The following PDIA6 variants were observed in gnomAD, a reference collection of about 807,000 sequenced individuals.
PDIA6 encodes protein disulfide-isomerase A6.
PDIA6 carries 29 observed loss-of-function variants against 58.4 expected under a neutral mutation model. The ratio of observed to expected loss-of-function variants is 0.50; its 90% CI spans 0.37 to 0.68. The LOEUF (loss-of-function observed/expected upper bound fraction) is 0.68. Ranked by LOEUF, PDIA6 falls within the 30% of genes least tolerant of loss-of-function variation. The pLI is 0.00. For missense variants in PDIA6, 480 were observed against 551.0 expected, an observed-to-expected ratio of 0.87 and a Z score of 1.29; for synonymous variants, 192 against 202.6, an observed-to-expected ratio of 0.95 and a Z score of 0.44.
intron 1 of PDIA6, chr2:10,823,012 C>G (rs1186167935): frequency 6.6e-6 from 1 of 152,190 alleles, no homozygotes; most frequent in African/African-American, 2.4e-5. Flanking sequence ...CTTAGAGTAC[C>G]CCAGTGTCTT....
At chr2:10,792,751 G>A (rs1417596441) in intron 5 of PDIA6, among the ~76,000 whole-genome samples, 2 of 151,998 alleles carry the variant, frequency 1.3e-5, no homozygotes, top group Admixed American at 6.6e-5. Context: ...ATCTCATCAC[G>A]GTTTGCCAAA....
At chr2:10,827,349 C>A (rs1667580081) in intron 1 of PDIA6, among the ~76,000 whole-genome samples, 1 of 152,094 alleles carries the variant, frequency 6.6e-6, no homozygotes, top group Non-Finnish European at 1.5e-5. Context: ...AGGTGTGAGC[C>A]ACCGCACCCA....
chr2:10,832,882 G>A (rs1369205582), upstream of PDIA6, among the ~76,000 whole-genome samples: 1 of 152,110 alleles, frequency 6.6e-6, no homozygotes, highest in Admixed American at 6.5e-5. Context: ...TTTGGCGGAC[G>A]CAGAAAAGGC....
At chr2:10,804,894 T>C (rs1666668037) in intron 1 of PDIA6, among the ~76,000 whole-genome samples, 1 of 130,146 alleles carries the variant, frequency 7.7e-6, no homozygotes, top group Non-Finnish European at 1.7e-5. Flanking sequence ...TCACATCCCT[T>C]GTAAGTTGGA....
Position 10,792,312 on chromosome 2 carries a change from A to G in PDIA6, c.454-387T>C, listed in dbSNP as rs181048771. Among the ~76,000 whole-genome samples the G allele has an allele frequency of 5.8e-4, 88 of 152,340 alleles. 1 individual carries two copies. The highest frequency in any genetic ancestry group is 2.0e-3 in the African/African-American group (84 of 41,574). ...TACATCTTTCATAGACAAAGTCCCT[A>G]CCAGTCAACAGAGCTAAAAATAACA... On this transcript the variant is annotated intron_variant, in intron 5 of 12. Transcript: ENST00000272227.
At chr2:10,837,453 A>T, upstream of PDIA6, 1 of 661,966 alleles carries the variant, frequency 1.5e-6, no homozygotes, top group East Asian at 2.7e-5. Context: ...AAAAAATAAG[A>T]TGAAGCCAGG....
At chr2:10,787,559 A>G in intron 10 of PDIA6, 120 bp from the exon 11 acceptor site, 1 of 944,046 alleles carries the variant, frequency 1.1e-6, no homozygotes. Context: ...ACAAATAAAA[A>G]CAAAAGATGA....
At chr2:10,836,481 G>T (rs1667834415), upstream of PDIA6, among the ~76,000 whole-genome samples, 1 of 151,664 alleles carries the variant, frequency 6.6e-6, no homozygotes, top group Non-Finnish European at 1.5e-5. Context: ...TCAAAGTGCT[G>T]AGATTAAAGG....
At chr2:10,788,821 A>C in intron 9 of PDIA6, 52 bp from the exon 10 acceptor site, 1 of 1,561,834 alleles carries the variant, frequency 6.4e-7, no homozygotes, top group Non-Finnish European at 8.8e-7. Context: ...GAGTCCATAA[A>C]ATTAATCCAT....
intron 12 of PDIA6, chr2:10,784,563 G>T: frequency 1.9e-6 from 1 of 516,512 alleles, no homozygotes; most frequent in African/African-American, 1.9e-5. Flanking sequence ...GAAGCCACTT[G>T]AACGTGTCCT....
At chr2:10,825,048 G>GA (rs939879697) in intron 1 of PDIA6, among the ~76,000 whole-genome samples, 2 of 152,032 alleles carry the variant, frequency 1.3e-5, no homozygotes, top group African/African-American at 4.8e-5. Context: ...GAAGCAGGTG[G>GA]AAAAAAACGT....
Position 10,789,768 on chromosome 2 carries a change from G to A in PDIA6, c.821C>T (p.Pro274Leu), listed in dbSNP as rs781237247. The A allele has an allele frequency of 7.4e-5, 120 of 1,613,668 alleles. No homozygotes were observed. The highest frequency in any genetic ancestry group is 9.6e-5 in the Non-Finnish European group (113 of 1,179,840). The change falls in exon 8 of 13, where the codon CCA becomes CTA. Residue 274 changes from proline to leucine, a missense_variant. Transcript: ENST00000272227. ...GTTTACCTCAAGCAGCTCAGGAGGT[G>A]GGGCGTTATCAGAAAACAAATCAAG... is the stretch of plus-strand genomic sequence containing the variant. ...RALDLFSDNA[P>L]PPELLEIINE... is the part of the protein sequence containing the mutation.
At chr2:10,828,825 A>C (rs889744809) in intron 1 of PDIA6, among the ~76,000 whole-genome samples, 3 of 152,228 alleles carry the variant, frequency 2.0e-5, no homozygotes, top group Non-Finnish European at 4.4e-5. Flanking sequence ...CCGGGTCACA[A>C]GTGCATGGAT....
chr2:10,816,522 C>CTTTTTTTTTTTTTTTTTTT (rs772701227), upstream of PDIA6, among the ~76,000 whole-genome samples: 18 of 138,222 alleles, frequency 1.3e-4, 1 homozygote, highest in African/African-American at 4.4e-4. Flanking sequence ...CCTTTTTGTG[C>CTTTTTTTTTTTTTTTTTTT]TTTCTTTTTT....
At chr2:10,831,055 A>T (rs1316107958) in intron 1 of PDIA6, among the ~76,000 whole-genome samples, 1 of 152,152 alleles carries the variant, frequency 6.6e-6, no homozygotes, top group Non-Finnish European at 1.5e-5. Flanking sequence ...AGCGCAGCGG[A>T]CTCCGCTCTG....
chr2:10,791,553 G>A (rs1009010109), intron 6 of PDIA6, among the ~76,000 whole-genome samples: 1 of 152,182 alleles, frequency 6.6e-6, no homozygotes, highest in African/African-American at 2.4e-5. Flanking sequence ...CCCTTCACAT[G>A]AGCTTCCCAT....
chr2:10,802,052 T>A (rs1343063946), intron 2 of PDIA6, among the ~76,000 whole-genome samples: 1 of 152,244 alleles, frequency 6.6e-6, no homozygotes, highest in East Asian at 1.9e-4. Flanking sequence ...AAATAACTAG[T>A]GCAATGTTGT....
upstream of PDIA6, chr2:10,812,863 G>A (rs1221361540): frequency 5.2e-6 from 6 of 1,161,180 alleles, no homozygotes; most frequent in African/African-American, 1.6e-5. Flanking sequence ...CGTGGCTGCG[G>A]CTCATTGGTC....
Position 10,820,705 on chromosome 2 carries a change from T to G in PDIA6, c.-47-1351A>C, listed in dbSNP as rs1211995039. The G allele has an allele frequency of 4.3e-6, 3 of 699,718 alleles. No individual in the cohort carries two copies. In the African/African-American group the frequency reaches 5.3e-5, roughly 12 times the overall value. The allele number at this position is 699,718 out of a possible 1,614,324, so 43.3% of individuals were successfully genotyped here. The stretch of plus-strand genomic sequence containing the variant: ...ACTATCTGTCTAAATAATTTCTTTC[T>G]ACCTCCTGTATCAGCGGCACCAGCT... On this transcript the variant is annotated intron_variant, in intron 1 of 13. Transcript: ENST00000381611.
Sources: allele counts gnomAD v4.1 joint callset (sites outside exome capture counted in the v4.1 genomes callset), GRCh38; gene constraint gnomAD v4.1.1; transcripts MANE v1.5; gene names NCBI Gene and HGNC (gene_info 2026-07-23, HGNC 2026-07-21).